RANBP2: variants seen among roughly 807,000 people sequenced by gnomAD.
RANBP2 encodes RAN binding protein 2.
In RANBP2, 57 loss-of-function variants were observed where a neutral mutation model predicts 303.6. The observed-to-expected ratio is 0.19, with a 90% confidence interval of 0.15 to 0.23. RANBP2 has a LOEUF of 0.23. Ranked by LOEUF, RANBP2 falls within the 10% of genes least tolerant of loss-of-function variation. RANBP2 has a pLI of 1.00. For missense variants in RANBP2, 3,138 were observed against 3,780.8 expected, an observed-to-expected ratio of 0.83 and a Z score of 4.46; for synonymous variants, 1,167 against 1,301.5, an observed-to-expected ratio of 0.90 and a Z score of 2.23.
chr2:108,842,650 G>C, the RANBP2 span, among the ~76,000 whole-genome samples: 2 of 152,130 alleles, frequency 1.3e-5, no homozygotes, highest in East Asian at 3.9e-4. Flanking sequence ...TATTCCATAG[G>C]GAAGTGGTCA....
At chr2:109,728,719 C>A in the RANBP2 span, among the ~76,000 whole-genome samples, 1 of 150,826 alleles carries the variant, frequency 6.6e-6, no homozygotes, top group South Asian at 2.1e-4. Flanking sequence ...TCCCAAAGTG[C>A]TGGATTACAG....
the RANBP2 span, among the ~76,000 whole-genome samples, chr2:109,438,344 G>A: frequency 6.6e-6 from 1 of 152,144 alleles, no homozygotes; most frequent in African/African-American, 2.4e-5. Flanking sequence ...CAGGTATAGG[G>A]TGAACTTTGG....
chr2:108,931,918 G>C, the RANBP2 span, among the ~76,000 whole-genome samples: 1 of 152,120 alleles, frequency 6.6e-6, no homozygotes, highest in Non-Finnish European at 1.5e-5. Context: ...AAAACAGCAA[G>C]TACTCTTCTA....
chr2:109,670,185 T>C, the RANBP2 span, among the ~76,000 whole-genome samples: 2 of 152,038 alleles, frequency 1.3e-5, no homozygotes, highest in African/African-American at 2.4e-5. Context: ...CTTCACATTC[T>C]GAAAATATGC....
chr2:109,143,272 T>G, the RANBP2 span, among the ~76,000 whole-genome samples: 3 of 152,200 alleles, frequency 2.0e-5, no homozygotes, highest in African/African-American at 7.2e-5. Context: ...AGGAACTCAT[T>G]AAGTAAGTAT....
chr2:109,704,839 G>A, the RANBP2 span, among the ~76,000 whole-genome samples: 5 of 151,668 alleles, frequency 3.3e-5, no homozygotes, highest in African/African-American at 1.2e-4. Flanking sequence ...TGACAGGAAC[G>A]AAACTTCATC....
chr2:108,945,306 T>C, the RANBP2 span, among the ~76,000 whole-genome samples: 1 of 152,164 alleles, frequency 6.6e-6, no homozygotes, highest in Non-Finnish European at 1.5e-5. Context: ...AGGTGTTTCA[T>C]TACACATTTC....
the RANBP2 span, among the ~76,000 whole-genome samples, chr2:109,133,976 C>T: frequency 1.3e-5 from 2 of 152,086 alleles, no homozygotes; most frequent in African/African-American, 4.8e-5. Context: ...AGCTGGTCAG[C>T]TAGTGGAGGC....
chr2:108,932,256 C>T, the RANBP2 span, among the ~76,000 whole-genome samples: 3 of 152,046 alleles, frequency 2.0e-5, no homozygotes, highest in Non-Finnish European at 4.4e-5. Flanking sequence ...AGGCTGAGCG[C>T]GGTGGCTCAC....
chr2:108,871,249 C>T, the RANBP2 span, among the ~76,000 whole-genome samples: 1 of 151,372 alleles, frequency 6.6e-6, no homozygotes, highest in African/African-American at 2.4e-5. Context: ...TTATAAGTTC[C>T]TAGCCAGGTG....
At chr2:109,386,038 T>G in the RANBP2 span, among the ~76,000 whole-genome samples, 2 of 152,208 alleles carry the variant, frequency 1.3e-5, no homozygotes, top group Non-Finnish European at 2.9e-5. Flanking sequence ...AGCTGAGGGA[T>G]GAGCTGGAAT....
the RANBP2 span, among the ~76,000 whole-genome samples, chr2:109,191,128 A>G: frequency 6.6e-6 from 1 of 152,104 alleles, no homozygotes; most frequent in Non-Finnish European, 1.5e-5. Context: ...ATCCAGAGGG[A>G]CAGATTGCCA....
the RANBP2 span, among the ~76,000 whole-genome samples, chr2:109,694,056 C>A: frequency 2.6e-5 from 4 of 152,246 alleles, no homozygotes; most frequent in African/African-American, 9.6e-5. Flanking sequence ...TTGAGTATCT[C>A]TTATAATGTG....
At chr2:109,224,850 C>CT in the RANBP2 span, among the ~76,000 whole-genome samples, 2 of 152,078 alleles carry the variant, frequency 1.3e-5, no homozygotes, top group Admixed American at 1.3e-4. Context: ...GAGCAAGACT[C>CT]TGTCTCAAAA....
the RANBP2 span, among the ~76,000 whole-genome samples, chr2:108,803,045 G>T: frequency 6.6e-6 from 1 of 152,182 alleles, no homozygotes; most frequent in Non-Finnish European, 1.5e-5. Context: ...CCTCTTAAAG[G>T]TTGGTCTGAG....
chr2:108,755,063 A>C lies in RANBP2; in HGVS notation c.2361A>C (p.Leu787=). The stretch of plus-strand genomic sequence containing the variant: ...CACCGTCTCCTACCAGATATTCACT[A>C]TCACCAAGTAAAAGTTACAAGGTAA... ...HSTPSPTRYS[L]SPSKSYKYSP... is the part of the protein sequence containing the mutation. The change falls in exon 16 of 29, where the codon CTA becomes CTC. Residue 787 remains leucine, a synonymous_variant. Transcript: ENST00000283195. The C allele has an allele frequency of 7.4e-6, 12 of 1,611,968 alleles. No individual in the cohort carries two copies. Among genetic ancestry groups the C allele is most frequent in the Non-Finnish European group, 1.0e-5 (12 of 1,179,836 alleles).
At chr2:109,462,257 T>G in the RANBP2 span, among the ~76,000 whole-genome samples, 5 of 151,178 alleles carry the variant, frequency 3.3e-5, no homozygotes, top group African/African-American at 1.2e-4. Context: ...AGTTGGAGAA[T>G]TGATCTACCC....
At chr2:109,257,921 G>A in the RANBP2 span, among the ~76,000 whole-genome samples, 8 of 152,114 alleles carry the variant, frequency 5.3e-5, no homozygotes, top group Non-Finnish European at 1.0e-4. Flanking sequence ...CCTGGGCTCA[G>A]AATGAATTAG....
the RANBP2 span, among the ~76,000 whole-genome samples, chr2:109,699,082 C>T: frequency 1.3e-5 from 2 of 152,180 alleles, no homozygotes; most frequent in Non-Finnish European, 2.9e-5. Flanking sequence ...CTTCTGAGGA[C>T]TCTGTCCCAG....
Sources: gnomAD v4.1 joint callset for allele counts (sites outside exome capture counted in the v4.1 genomes callset) on GRCh38, gnomAD v4.1.1 for gene constraint, MANE v1.5 for transcripts, NCBI Gene and HGNC (gene_info 2026-07-23, HGNC 2026-07-21) for gene names.